Variants in DNAI4 observed in about 807,000 individuals in gnomAD.
The protein encoded by DNAI4 is dynein axonemal intermediate chain 4.
Under a neutral mutation model 105.8 loss-of-function variants are expected in DNAI4, and 85 were observed. The ratio of observed to expected loss-of-function variants is 0.80; its 90% confidence interval spans 0.67 to 0.96. The LOEUF is 0.96. Among genes scored for constraint, DNAI4 ranks in the 40% least tolerant of loss-of-function variants. The pLI, the probability that DNAI4 is intolerant of heterozygous loss-of-function variation, is 0.00. For missense variants in DNAI4, 1,014 were observed against 1,005.6 expected, an observed-to-expected ratio of 1.01 and a Z score of -0.11; for synonymous variants, 352 against 331.5, an observed-to-expected ratio of 1.06 and a Z score of -0.67.
chr1:66,833,169 G>A (rs1572610053), intron 13 of DNAI4, among the ~76,000 whole-genome samples: 1 of 152,018 alleles, frequency 6.6e-6, no homozygotes, highest in East Asian at 1.9e-4. Context: ...TTCCACCTTA[G>A]GTTAGCAGCT....
At chr1:66,859,635 T>A (rs1237265712) in intron 7 of DNAI4, among the ~76,000 whole-genome samples, 1 of 152,172 alleles carries the variant, frequency 6.6e-6, no homozygotes, top group Non-Finnish European at 1.5e-5. Flanking sequence ...AAATGAGCTG[T>A]TAAGCCATGA....
rs538468094 is a variant in DNAI4, at chr1:66,862,526, G to A, written c.941-224C>T. Among the ~76,000 whole-genome samples, 4 of 152,240 alleles carry A rather than the reference G, an allele frequency of 2.6e-5. No individual in the cohort carries two copies. The East Asian group carries it at 7.7e-4, about 29-fold the overall frequency. ...TGACACCTGAGAATAAATAGCCACT[G>A]CACTCTAGCCTAGACAACATGGTAA... On this transcript the variant is annotated intron_variant, in intron 6 of 16. Coordinates refer to ENST00000371026, the MANE Select transcript of DNAI4 (RefSeq NM_024763.5).
intron 7 of DNAI4, among the ~76,000 whole-genome samples, chr1:66,858,101 C>T (rs545182973): frequency 6.6e-6 from 1 of 152,186 alleles, no homozygotes; most frequent in African/African-American, 2.4e-5. Flanking sequence ...CATTTTTATA[C>T]AATCTATTTC....
intron 1 of DNAI4, among the ~76,000 whole-genome samples, chr1:66,922,800 G>A (rs779160201): frequency 1.3e-5 from 2 of 152,208 alleles, no homozygotes; most frequent in Non-Finnish European, 2.9e-5. Flanking sequence ...AATTAGAAAA[G>A]ACAGAAAATA....
chr1:66,893,399 AT>A lies in DNAI4; in HGVS notation c.359del (p.Asn120MetfsTer26). ...GAGGTCGGGGAGTAACATCAGTTCC[AT>A]TTATGTCAAATACCTGTTAAAAATG... Reference protein sequence around the residue: ...NIKTTQVFDINGTDVTPRPLY... With the variant: ...NIKTTQVFDIXGTDVTPRPLY... On this transcript the variant is annotated frameshift_variant, in exon 3 of 17. Coordinates refer to ENST00000371026, the MANE Select transcript of DNAI4 (RefSeq NM_024763.5). LOFTEE classifies it high-confidence loss of function. 6.4e-7 allele frequency: 1 copy of A among 1,555,692 alleles called. No individual in the cohort carries two copies. Among genetic ancestry groups the A allele is most frequent in the Non-Finnish European group, 8.7e-7 (1 of 1,152,708 alleles).
At chr1:66,924,595 C>T in intron 1 of DNAI4, 67 bp downstream of exon 1, 3 of 1,609,712 alleles carry the variant, frequency 1.9e-6, no homozygotes, top group Non-Finnish European at 2.5e-6. Context: ...GAAATGGTAT[C>T]TATTAATAGA....
chr1:66,834,451 C>T (rs1645938749), intron 11 of DNAI4, among the ~76,000 whole-genome samples: 1 of 152,012 alleles, frequency 6.6e-6, no homozygotes, highest in African/African-American at 2.4e-5. Flanking sequence ...TCAGAATCTA[C>T]TTTTCTTACT....
At chr1:66,835,604 T>C in intron 11 of DNAI4, 22 bp downstream of exon 11, 1 of 1,609,452 alleles carries the variant, frequency 6.2e-7, no homozygotes. Context: ...ATTATACATT[T>C]ATCTAATTCT....
At chr1:66,843,221 G>A (rs1183062773) in intron 8 of DNAI4, among the ~76,000 whole-genome samples, 1 of 91,656 alleles carries the variant, frequency 1.1e-5, no homozygotes, top group East Asian at 3.1e-4. Flanking sequence ...AAGGTGGGGG[G>A]TGGGGGGGAG....
chr1:66,911,162 G>A (rs1330872813), intron 1 of DNAI4, among the ~76,000 whole-genome samples: 1 of 152,166 alleles, frequency 6.6e-6, no homozygotes, highest in Non-Finnish European at 1.5e-5. Flanking sequence ...CTCTCCTTGG[G>A]TTCAGTTAAT....
chr1:66,814,310 A>G, intron 16 of DNAI4, 130 bp from the exon 17 acceptor site: 1 of 646,212 alleles, frequency 1.5e-6, no homozygotes, highest in Non-Finnish European at 2.6e-6. Context: ...AAAGGGAAAC[A>G]AGCAAAGGTA....
intron 7 of DNAI4, among the ~76,000 whole-genome samples, chr1:66,858,821 A>G (rs1646561783): frequency 6.6e-6 from 1 of 152,176 alleles, no homozygotes; most frequent in Admixed American, 6.5e-5. Context: ...TTGATAAGGT[A>G]CAGCTATATA....
intron 10 of DNAI4, among the ~76,000 whole-genome samples, chr1:66,837,322 G>A (rs866480299): frequency 1.5e-5 from 2 of 132,504 alleles, no homozygotes; most frequent in African/African-American, 2.9e-5. Flanking sequence ...TCGAGATTGC[G>A]CCACTGCACT....
chr1:66,867,941 T>C (rs981768136), intron 6 of DNAI4, among the ~76,000 whole-genome samples: 13 of 152,192 alleles, frequency 8.5e-5, no homozygotes, highest in African/African-American at 2.9e-4. Flanking sequence ...GCAAAAATTT[T>C]GCTTTTTATT....
At chr1:66,850,994 C>T (rs568448464) in intron 7 of DNAI4, among the ~76,000 whole-genome samples, 12 of 150,996 alleles carry the variant, frequency 7.9e-5, no homozygotes, top group Admixed American at 1.3e-4. Context: ...GGCTAACATG[C>T]GAATAAAAAA....
intron 8 of DNAI4, among the ~76,000 whole-genome samples, chr1:66,842,950 C>A (rs1007366103): frequency 2.0e-5 from 3 of 151,916 alleles, no homozygotes; most frequent in African/African-American, 4.8e-5. Context: ...GTAATCCCAG[C>A]ACTTTGGGAG....
At chr1:66,924,565 AG>A in intron 1 of DNAI4, 96 bp downstream of exon 1, 1 of 1,508,404 alleles carries the variant, frequency 6.6e-7, no homozygotes, top group East Asian at 2.3e-5. Context: ...CAGTTAGGGT[AG>A]GGCCCCTTTC....
chr1:66,860,313 A>G (rs957179388), intron 7 of DNAI4, among the ~76,000 whole-genome samples: 1 of 152,134 alleles, frequency 6.6e-6, no homozygotes, highest in African/African-American at 2.4e-5. Context: ...TAATACATTC[A>G]AAGTTTAAAT....
chr1:66,884,804 G>A (rs529507745), intron 4 of DNAI4, among the ~76,000 whole-genome samples: 64 of 152,256 alleles, frequency 4.2e-4, no homozygotes, highest in African/African-American at 1.3e-3. Context: ...ACCAAATAGC[G>A]TAATTGCTTA....
Sources: allele counts gnomAD v4.1 joint callset (sites outside exome capture counted in the v4.1 genomes callset), GRCh38; gene constraint gnomAD v4.1.1; transcripts MANE v1.5; gene names NCBI Gene and HGNC (gene_info 2026-07-23, HGNC 2026-07-21).